Variants in GALNTL6 observed in about 807,000 individuals in gnomAD.
GALNTL6 encodes the protein polypeptide N-acetylgalactosaminyltransferase-like 6.
In GALNTL6, 46 loss-of-function variants were observed where a neutral mutation model predicts 73.7. The ratio of observed to expected loss-of-function variants is 0.62; its 90% CI spans 0.49 to 0.80. The LOEUF is 0.80. Among genes scored for constraint, GALNTL6 ranks in the 30% least tolerant of loss-of-function variants. The pLI, the probability that GALNTL6 is intolerant of heterozygous loss-of-function variation, is 0.00. For missense variants in GALNTL6, 604 were observed against 755.0 expected (o/e 0.80, Z 2.34); for synonymous variants, 259 against 263.7 (o/e 0.98, Z 0.17).
intron 2 of GALNTL6, among the ~76,000 whole-genome samples, chr4:172,015,887 G>T (rs1472107021): frequency 7.1e-6 from 1 of 140,904 alleles, no homozygotes; most frequent in East Asian, 2.2e-4. Context: ...TGGCTTATAA[G>T]CTACCTGCTG....
intron 4 of GALNTL6, among the ~76,000 whole-genome samples, chr4:172,318,534 C>T (rs1409877502): frequency 6.6e-6 from 1 of 152,038 alleles, no homozygotes; most frequent in Non-Finnish European, 1.5e-5. Context: ...AACCCCGTCT[C>T]TACTAAAAAT....
intron 10 of GALNTL6, among the ~76,000 whole-genome samples, chr4:172,958,285 G>A (rs1749857426): frequency 6.6e-6 from 1 of 152,202 alleles, no homozygotes; most frequent in Non-Finnish European, 1.5e-5. Flanking sequence ...AGGTCAAGTT[G>A]TTTGGATAAA....
intron 4 of GALNTL6, among the ~76,000 whole-genome samples, chr4:172,323,289 A>G (rs1321963067): frequency 6.6e-6 from 1 of 152,172 alleles, no homozygotes; most frequent in Non-Finnish European, 1.5e-5. Flanking sequence ...CAGACCTGTC[A>G]AAAGCAAAAT....
intron 5 of GALNTL6, among the ~76,000 whole-genome samples, chr4:172,727,787 ATTAT>A (rs1474941680): frequency 1.7e-4 from 26 of 152,044 alleles, no homozygotes; most frequent in Non-Finnish European, 2.6e-4. Context: ...ATTCTAGCAC[ATTAT>A]TTAAGCATTA....
intron 7 of GALNTL6, among the ~76,000 whole-genome samples, chr4:172,852,142 T>C (rs1743858002): frequency 1.3e-5 from 2 of 152,158 alleles, no homozygotes; most frequent in African/African-American, 4.8e-5. Flanking sequence ...CAGAGCATAT[T>C]AATTACAGTA....
At chr4:172,846,934 C>G (rs185212710) in intron 7 of GALNTL6, among the ~76,000 whole-genome samples, 65 of 151,988 alleles carry the variant, frequency 4.3e-4, no homozygotes, top group Admixed American at 1.2e-3. Context: ...TTCTTTGTTT[C>G]TTTCTCTCGT....
chr4:172,526,182 A>G (rs374283245), intron 5 of GALNTL6, among the ~76,000 whole-genome samples: 2 of 152,190 alleles, frequency 1.3e-5, no homozygotes, highest in Admixed American at 1.3e-4. Context: ...ATAGCTTCCT[A>G]TTTATATATT....
intron 8 of GALNTL6, among the ~76,000 whole-genome samples, chr4:172,923,992 T>A (rs1277771736): frequency 6.6e-6 from 1 of 151,956 alleles, no homozygotes; most frequent in African/African-American, 2.4e-5. Flanking sequence ...CAGAACCATT[T>A]CAGGGAGGGT....
At chr4:172,218,371 GA>G (rs1560974792) in intron 2 of GALNTL6, among the ~76,000 whole-genome samples, 1 of 152,100 alleles carries the variant, frequency 6.6e-6, no homozygotes, top group Non-Finnish European at 1.5e-5. Flanking sequence ...AGAACCATGA[GA>G]GGGTTTTTCT....
intron 3 of GALNTL6, among the ~76,000 whole-genome samples, chr4:172,285,617 G>A (rs1429378958): frequency 1.3e-5 from 2 of 152,150 alleles, no homozygotes; most frequent in Non-Finnish European, 2.9e-5. Flanking sequence ...TAAATGACAG[G>A]ACTATTGGTA....
At chr4:172,308,247 T>C (rs10050000) in intron 3 of GALNTL6, among the ~76,000 whole-genome samples, 150,028 of 151,322 alleles carry the variant, frequency 0.99, 74,388 homozygotes, top group Middle Eastern at 1. Context: ...AGGGTTTTCA[T>C]GGTACATGAT....
At chr4:172,018,228 G>A (rs955585907) in intron 2 of GALNTL6, among the ~76,000 whole-genome samples, 12 of 152,054 alleles carry the variant, frequency 7.9e-5, no homozygotes, top group African/African-American at 2.9e-4. Flanking sequence ...ATTGGCCAGG[G>A]GGAGGTATTC....
chr4:172,889,217 T>A (rs1722983159), intron 8 of GALNTL6, among the ~76,000 whole-genome samples: 1 of 152,154 alleles, frequency 6.6e-6, no homozygotes, highest in Admixed American at 6.5e-5. Context: ...AGCGATAATT[T>A]AACTTCTTTT....
At chr4:171,949,865 C>T (rs1006233996) in intron 2 of GALNTL6, among the ~76,000 whole-genome samples, 6 of 152,066 alleles carry the variant, frequency 3.9e-5, no homozygotes, top group Non-Finnish European at 5.9e-5. Flanking sequence ...CTAAGAGATA[C>T]ATAAGGCAAC....
intron 2 of GALNTL6, among the ~76,000 whole-genome samples, chr4:172,210,879 G>A (rs748024204): frequency 6.6e-6 from 1 of 152,102 alleles, no homozygotes; most frequent in Non-Finnish European, 1.5e-5. Flanking sequence ...GTTTATATCA[G>A]TATAGTCTCA....
intron 2 of GALNTL6, among the ~76,000 whole-genome samples, chr4:172,022,769 G>A (rs1741444849): frequency 6.6e-6 from 1 of 151,816 alleles, no homozygotes; most frequent in Non-Finnish European, 1.5e-5. Flanking sequence ...CTAGTCACAG[G>A]CTGCTAAGCA....
At chr4:172,995,781 T>C (rs1361096509) in intron 10 of GALNTL6, among the ~76,000 whole-genome samples, 3 of 152,246 alleles carry the variant, frequency 2.0e-5, no homozygotes, top group African/African-American at 7.2e-5. Flanking sequence ...TGCTTTCATG[T>C]TTCTGACATG....
In GALNTL6 at chr4:172,837,204, C is replaced by CA. The variant is rs539096067; in HGVS notation, c.923+23482dup. Among the ~76,000 whole-genome samples the CA allele has an allele frequency of 1.6e-4, 24 of 152,160 alleles. No individual in the cohort carries two copies. In the South Asian group the frequency reaches 3.9e-3, roughly 25 times the overall value. On this transcript the variant is annotated intron_variant, in intron 7 of 12. Transcript: ENST00000506823. ...TTTACCTCCCTAATTCTGGTTTTGC[C>CA]AGTAGTTCATCATAAAGAATTGTTT... is the stretch of plus-strand genomic sequence containing the variant.
At chr4:171,865,541 A>G (rs531168283) in intron 2 of GALNTL6, among the ~76,000 whole-genome samples, 1 of 152,378 alleles carries the variant, frequency 6.6e-6, no homozygotes, top group African/African-American at 2.4e-5. Context: ...TTAGAGCTGT[A>G]GAAATTTAAG....
Sources: allele counts gnomAD v4.1 joint callset (sites outside exome capture counted in the v4.1 genomes callset), GRCh38; gene constraint gnomAD v4.1.1; transcripts MANE v1.5; gene names NCBI Gene and HGNC (gene_info 2026-07-23, HGNC 2026-07-21).